STXBP5L: variants seen among roughly 807,000 people sequenced by gnomAD.
STXBP5L encodes syntaxin-binding protein 5-like.
Under a neutral mutation model 144.5 loss-of-function variants are expected in STXBP5L, and 65 were observed. That is an observed-to-expected ratio of 0.45 (90% CI 0.37 to 0.55). The LOEUF (loss-of-function observed/expected upper bound fraction) is 0.55, where lower values mean the gene tolerates loss of function less well. Among genes scored for constraint, STXBP5L ranks in the 20% least tolerant of loss-of-function variants. STXBP5L has a pLI of 0.00. For synonymous variants in STXBP5L, 505 were observed against 469.6 expected (o/e 1.08, Z -0.97); for missense variants, 1,298 against 1,405.5 (o/e 0.92, Z 1.22).
chr3:121,258,993 G>T, intron 17 of STXBP5L, 50 bp from the exon 18 acceptor site: 1 of 1,485,176 alleles, frequency 6.7e-7, no homozygotes, highest in South Asian at 1.5e-5. Flanking sequence ...AGATAAGTTT[G>T]ACCATGTTTA....
intron 7 of STXBP5L, among the ~76,000 whole-genome samples, chr3:121,128,235 T>C (rs2107882644): frequency 6.6e-6 from 1 of 152,024 alleles, no homozygotes; most frequent in Non-Finnish European, 1.5e-5. Flanking sequence ...CAGGGACACT[T>C]GGATATGGTC....
intron 5 of STXBP5L, among the ~76,000 whole-genome samples, chr3:121,085,422 C>G (rs1328796748): frequency 6.6e-6 from 1 of 152,104 alleles, no homozygotes; most frequent in Non-Finnish European, 1.5e-5. Context: ...CTAGAAAACC[C>G]TATAGCCTCA....
chr3:121,191,368 T>C (rs2047673791), intron 9 of STXBP5L, among the ~76,000 whole-genome samples: 1 of 152,072 alleles, frequency 6.6e-6, no homozygotes, highest in South Asian at 2.1e-4. Context: ...CGAAACCCTG[T>C]CTCCACCAAA....
chr3:121,068,695 G>A (rs981658046), intron 5 of STXBP5L, among the ~76,000 whole-genome samples: 1 of 151,576 alleles, frequency 6.6e-6, no homozygotes, highest in Non-Finnish European at 1.5e-5. Flanking sequence ...ATAATACATT[G>A]CTAATATAGT....
intron 2 of STXBP5L, among the ~76,000 whole-genome samples, chr3:120,938,180 A>G (rs144421649): frequency 2.0e-5 from 3 of 152,218 alleles, no homozygotes; most frequent in East Asian, 3.9e-4. Flanking sequence ...AAAAGTTTTT[A>G]TATAAAAATG....
intron 5 of STXBP5L, among the ~76,000 whole-genome samples, chr3:121,082,615 T>G (rs1013368170): frequency 6.6e-6 from 1 of 152,212 alleles, no homozygotes; most frequent in Non-Finnish European, 1.5e-5. Flanking sequence ...TCCATGTTTT[T>G]TAAATGAAGT....
chr3:121,159,359 G>C (rs886235958), intron 9 of STXBP5L, among the ~76,000 whole-genome samples: 5 of 151,588 alleles, frequency 3.3e-5, no homozygotes, highest in African/African-American at 1.2e-4. Flanking sequence ...ATAAAAGATG[G>C]GTCTTACTAT....
intron 5 of STXBP5L, among the ~76,000 whole-genome samples, chr3:121,076,209 T>G (rs2331528): frequency 1.3e-5 from 2 of 152,010 alleles, no homozygotes; most frequent in Non-Finnish European, 2.9e-5. Flanking sequence ...CCTCATCCCC[T>G]TGGAGTTCCT....
intron 2 of STXBP5L, among the ~76,000 whole-genome samples, chr3:120,947,201 C>A (rs548183845): frequency 3.7e-4 from 56 of 151,754 alleles, no homozygotes; most frequent in Non-Finnish European, 5.8e-4. Flanking sequence ...CTTCACTGAG[C>A]ATAAATTATA....
intron 3 of STXBP5L, among the ~76,000 whole-genome samples, chr3:120,992,984 A>G (rs1458795270): frequency 2.0e-5 from 3 of 152,116 alleles, no homozygotes; most frequent in African/African-American, 7.2e-5. Flanking sequence ...CTTTTTGATA[A>G]TAGACATTTT....
At chr3:120,921,622 T>G (rs1293960689) in intron 2 of STXBP5L, among the ~76,000 whole-genome samples, 1 of 152,036 alleles carries the variant, frequency 6.6e-6, no homozygotes, top group African/African-American at 2.4e-5. Flanking sequence ...TAGATTTAAG[T>G]CTTTAATCAA....
chr3:121,095,143 T>C (rs568984228), intron 5 of STXBP5L, among the ~76,000 whole-genome samples: 1 of 152,376 alleles, frequency 6.6e-6, no homozygotes, highest in African/African-American at 2.4e-5. Flanking sequence ...GTAGAGTTTC[T>C]GCCGAGAGAT....
chr3:121,418,287 G>C, intron 25 of STXBP5L, 50 bp from the exon 26 acceptor site: 19 of 1,551,564 alleles, frequency 1.2e-5, no homozygotes, highest in Non-Finnish European at 1.6e-5. Context: ...AAGCTTGACT[G>C]TTTGAATTAC....
intron 20 of STXBP5L, among the ~76,000 whole-genome samples, chr3:121,344,326 G>T (rs1195171621): frequency 6.6e-6 from 1 of 152,052 alleles, no homozygotes; most frequent in African/African-American, 2.4e-5. Flanking sequence ...TACCATTCAG[G>T]ACATAGGCAT....
chr3:121,157,611 G>A lies in STXBP5L; in HGVS notation c.861G>A (p.Gln287=). The change falls in exon 9 of 27, where the codon CAG becomes CAA. Residue 287 remains glutamine, a synonymous_variant. Transcript: ENST00000471454. ...TGAAAAGCCCAAGTCGCCCTTTCCA[G>A]ACCACAATTCCACATGGTAAGATGT... ...WNLKSPSRPF[Q]TTIPHGKSQR... is the part of the protein sequence containing the mutation. The A allele has an allele frequency of 6.2e-7, 1 of 1,600,810 alleles. No homozygotes were observed. Among genetic ancestry groups the A allele is most frequent in the South Asian group, 1.1e-5 (1 of 88,612 alleles).
chr3:121,282,117 CT>C, intron 19 of STXBP5L: 1 of 462,420 alleles, frequency 2.2e-6, no homozygotes, highest in Admixed American at 3.7e-5. Flanking sequence ...TTATTAATAT[CT>C]CCTTCTAATT....
chr3:120,978,037 C>G (rs977358522), intron 3 of STXBP5L, among the ~76,000 whole-genome samples: 10 of 152,192 alleles, frequency 6.6e-5, no homozygotes, highest in Non-Finnish European at 7.3e-5. Flanking sequence ...AGTTGCTCTT[C>G]TCAAGGAGGA....
At chr3:121,215,029 C>CT (rs888761327) in intron 10 of STXBP5L, among the ~76,000 whole-genome samples, 43 of 148,860 alleles carry the variant, frequency 2.9e-4, no homozygotes, top group Non-Finnish European at 3.4e-4. Flanking sequence ...GCAACCCCTG[C>CT]TTTTTTTTTT....
chr3:121,070,718 C>G (rs1330879564), intron 5 of STXBP5L, among the ~76,000 whole-genome samples: 1 of 151,898 alleles, frequency 6.6e-6, no homozygotes, highest in Non-Finnish European at 1.5e-5. Context: ...TTTTCTTGTC[C>G]TAGATTTTTA....
Sources: allele counts gnomAD v4.1 joint callset (sites outside exome capture counted in the v4.1 genomes callset), GRCh38; gene constraint gnomAD v4.1.1; transcripts MANE v1.5; gene names NCBI Gene and HGNC (gene_info 2026-07-23, HGNC 2026-07-21).